THSD4: variants seen among roughly 807,000 people sequenced by gnomAD.
THSD4 encodes thrombospondin type 1 domain containing 4, also known as thrombospondin type-1 domain-containing protein 4.
A neutral mutation model predicts 119.0 loss-of-function variants in THSD4; 69 were observed. The observed-to-expected ratio is 0.58, with a 90% CI of 0.48 to 0.71. The LOEUF is 0.71. Ranked by LOEUF, THSD4 falls within the 30% of genes least tolerant of loss-of-function variation. THSD4 has a pLI of 0.00. For synonymous variants in THSD4, 524 were observed against 540.4 expected (o/e 0.97, Z 0.42); for missense variants, 1,393 against 1,391.1 (o/e 1.00, Z -0.02).
chr15:71,380,480 TGA>T (rs1272609103), intron 6 of THSD4, among the ~76,000 whole-genome samples: 2 of 152,052 alleles, frequency 1.3e-5, no homozygotes, highest in African/African-American at 2.4e-5. Context: ...ATTTAAGACT[TGA>T]GAGGGTACAA....
intron 7 of THSD4, among the ~76,000 whole-genome samples, chr15:71,550,661 C>A (rs550575553): frequency 7.9e-5 from 12 of 152,144 alleles, no homozygotes; most frequent in Non-Finnish European, 1.6e-4. Flanking sequence ...AGGATGGTCT[C>A]AATCTCCTGA....
At chr15:71,355,076 C>A (rs1254970530) in intron 6 of THSD4, among the ~76,000 whole-genome samples, 2 of 152,198 alleles carry the variant, frequency 1.3e-5, no homozygotes, top group Non-Finnish European at 2.9e-5. Flanking sequence ...TAACATTTGC[C>A]TAATGCTGAC....
intron 14 of THSD4, among the ~76,000 whole-genome samples, chr15:71,756,801 C>T (rs1482427713): frequency 6.6e-6 from 1 of 152,080 alleles, no homozygotes; most frequent in Non-Finnish European, 1.5e-5. Flanking sequence ...AAAGAAAAGA[C>T]ACGATAAGAT....
At chr15:71,680,610 G>C (rs1351295577) in intron 8 of THSD4, among the ~76,000 whole-genome samples, 1 of 152,178 alleles carries the variant, frequency 6.6e-6, no homozygotes, top group Non-Finnish European at 1.5e-5. Flanking sequence ...GGAATTTTAA[G>C]AAAAATTTGA....
chr15:71,294,867 G>A (rs942878750), intron 6 of THSD4, among the ~76,000 whole-genome samples: 3 of 150,200 alleles, frequency 2.0e-5, no homozygotes, highest in South Asian at 2.1e-4. Context: ...GTGGTCACTC[G>A]GAAGGTTGTT....
At chr15:71,168,271 A>G (rs1456668018) in intron 3 of THSD4, among the ~76,000 whole-genome samples, 2 of 152,148 alleles carry the variant, frequency 1.3e-5, no homozygotes, top group Admixed American at 6.5e-5. Flanking sequence ...TTAATGAACT[A>G]TTCTACTGTC....
At chr15:71,600,967 A>C (rs971584744) in intron 7 of THSD4, among the ~76,000 whole-genome samples, 9 of 152,180 alleles carry the variant, frequency 5.9e-5, no homozygotes, top group Non-Finnish European at 1.2e-4. Context: ...GGCTGGTCTC[A>C]AACTCCTGAC....
At chr15:71,673,477 G>A (rs1043228492) in intron 8 of THSD4, among the ~76,000 whole-genome samples, 5 of 152,082 alleles carry the variant, frequency 3.3e-5, no homozygotes, top group Non-Finnish European at 7.4e-5. Flanking sequence ...GGTTTTTTGT[G>A]TCTCTATCTC....
intron 7 of THSD4, among the ~76,000 whole-genome samples, chr15:71,559,948 A>C (rs1472465174): frequency 6.6e-6 from 1 of 152,176 alleles, no homozygotes; most frequent in Non-Finnish European, 1.5e-5. Flanking sequence ...ATATTTAATA[A>C]ATGAAAATAT....
intron 6 of THSD4, among the ~76,000 whole-genome samples, chr15:71,382,647 T>C: frequency 6.6e-6 from 1 of 152,180 alleles, no homozygotes. Flanking sequence ...TTTTACTGTT[T>C]CCCTTATTAT....
At position 71,297,319 on chromosome 15, in the gene THSD4, T is replaced by TG. The variant is rs1454393773; in HGVS notation, c.1015+40604_1015+40605insG. Among the ~76,000 whole-genome samples the TG allele has an allele frequency of 2.6e-4, 38 of 146,952 alleles. 1 individual carries two copies. The highest frequency in any genetic ancestry group is 6.0e-4 in the East Asian group (3 of 5,022). ...CAAGTCCTTTGCTCTCCTCTTCTTT[T>TG]TTTTGTTTGTTTGTTTGTTTGTTTG... On this transcript the variant is annotated intron_variant, in intron 6 of 17. Coordinates refer to ENST00000261862, the MANE Select transcript of THSD4 (RefSeq NM_024817.3).
chr15:71,219,087 C>A (rs1036609956), intron 4 of THSD4, among the ~76,000 whole-genome samples: 2 of 152,122 alleles, frequency 1.3e-5, no homozygotes, highest in Non-Finnish European at 2.9e-5. Context: ...TATGTAATAA[C>A]ACACGTAAAA....
At chr15:71,429,711 G>C (rs1342656542) in intron 7 of THSD4, among the ~76,000 whole-genome samples, 1 of 152,142 alleles carries the variant, frequency 6.6e-6, no homozygotes, top group Non-Finnish European at 1.5e-5. Context: ...GAGTTTCCTG[G>C]ACATTTCACA....
At chr15:71,535,501 T>G (rs2048677602) in intron 7 of THSD4, among the ~76,000 whole-genome samples, 3 of 152,226 alleles carry the variant, frequency 2.0e-5, no homozygotes, top group Non-Finnish European at 4.4e-5. Context: ...TTGGAATTAC[T>G]GGATCATGTG....
intron 7 of THSD4, among the ~76,000 whole-genome samples, chr15:71,619,410 G>C (rs1381091245): frequency 6.6e-6 from 1 of 152,160 alleles, no homozygotes; most frequent in African/African-American, 2.4e-5. Flanking sequence ...AGGAGAGCCA[G>C]GATAGTTAGC....
chr15:71,588,576 A>G (rs2049735429), intron 7 of THSD4, among the ~76,000 whole-genome samples: 1 of 152,114 alleles, frequency 6.6e-6, no homozygotes, highest in South Asian at 2.1e-4. Context: ...GGCATGTGCC[A>G]CCACACCCGG....
At chr15:71,314,558 C>T (rs1345195288) in intron 6 of THSD4, among the ~76,000 whole-genome samples, 4 of 152,286 alleles carry the variant, frequency 2.6e-5, no homozygotes, top group East Asian at 1.9e-4. Flanking sequence ...CCATCTGTCT[C>T]GGCCTCCCAA....
chr15:71,460,305 GTTT>G (rs563476190), intron 7 of THSD4, among the ~76,000 whole-genome samples: 7 of 122,580 alleles, frequency 5.7e-5, no homozygotes, highest in African/African-American at 1.5e-4. Context: ...AAGTTGCCTG[GTTT>G]TTTTTTTTTT....
At chr15:71,764,228 A>G (rs1056178007) in intron 15 of THSD4, among the ~76,000 whole-genome samples, 1 of 152,256 alleles carries the variant, frequency 6.6e-6, no homozygotes, top group Non-Finnish European at 1.5e-5. Context: ...CCTGGGTGAC[A>G]GAGTGAGACC....
Sources: allele counts gnomAD v4.1 joint callset (sites outside exome capture counted in the v4.1 genomes callset), GRCh38; gene constraint gnomAD v4.1.1; transcripts MANE v1.5; gene names NCBI Gene and HGNC (gene_info 2026-07-23, HGNC 2026-07-21).